Variants in VIRMA observed in about 807,000 individuals in gnomAD.
VIRMA encodes protein virilizer homolog.
A neutral mutation model predicts 182.4 loss-of-function variants in VIRMA; 65 were observed. The ratio of observed to expected loss-of-function variants is 0.36; its 90% CI spans 0.29 to 0.44. The LOEUF (loss-of-function observed/expected upper bound fraction) is 0.44. VIRMA is among the 20% of genes least tolerant of loss of function. VIRMA has a pLI of 1.00. For synonymous variants in VIRMA, 709 were observed against 743.1 expected (o/e 0.95, Z 0.75); for missense variants, 1,752 against 2,158.1 (o/e 0.81, Z 3.73).
chr8:94,492,252 G>A (rs1813625749), intron 21 of VIRMA, among the ~76,000 whole-genome samples: 1 of 149,948 alleles, frequency 6.7e-6, no homozygotes. Flanking sequence ...CGAATGCTAT[G>A]TTAATTTCCT....
chr8:94,491,432 G>C, intron 22 of VIRMA, 146 bp downstream of exon 22: 1 of 704,050 alleles, frequency 1.4e-6, no homozygotes, highest in Non-Finnish European at 2.4e-6. Flanking sequence ...AGAGTACTCT[G>C]CAAACAGTAC....
At position 94,526,559 on chromosome 8, in the gene VIRMA, A is replaced by G. The variant is rs1814977197; in HGVS notation, c.1685T>C (p.Val562Ala). Residue 562 changes from valine (V) to alanine (A), a missense_variant, in exon 8 of 24, where the codon GTC becomes GCC. By Grantham distance (64) the Val-to-Ala change is moderately conservative (BLOSUM62 0). This residue lies in a region of VIRMA where 401 missense variants were observed against 455.1 expected (regional missense o/e 0.88). Transcript: ENST00000297591. ...ACCAAGTCTTTTAATCTCTGACAAG[A>G]CTTCATAGAAATGGCATTTTTGGAG... is the stretch of plus-strand genomic sequence containing the variant. ...AILQKCHFYEVLSEIKRLGDH... is the reference protein window; with the variant it reads ...AILQKCHFYEALSEIKRLGDH... The G allele has an allele frequency of 6.2e-7, 1 of 1,613,472 alleles. No homozygotes were observed. The highest frequency in any genetic ancestry group is 1.3e-5 in the African/African-American group (1 of 74,840).
chr8:94,522,152 C>T (rs1364984324), intron 8 of VIRMA, among the ~76,000 whole-genome samples: 3 of 152,168 alleles, frequency 2.0e-5, no homozygotes, highest in Admixed American at 6.5e-5. Flanking sequence ...TGCCAATTAG[C>T]TTGATATAAT....
At chr8:94,531,507 T>C (rs1398148021) in intron 5 of VIRMA, among the ~76,000 whole-genome samples, 1 of 152,220 alleles carries the variant, frequency 6.6e-6, no homozygotes, top group Non-Finnish European at 1.5e-5. Context: ...AACATCGGAA[T>C]TTCTGACTTC....
At chr8:94,500,472 C>T (rs957717685) in intron 16 of VIRMA, among the ~76,000 whole-genome samples, 2 of 152,168 alleles carry the variant, frequency 1.3e-5, no homozygotes, top group Non-Finnish European at 2.9e-5. Context: ...AACCACTACA[C>T]ACAATCTTTA....
At chr8:94,499,547 TATG>T in intron 16 of VIRMA, 41 bp from the exon 17 acceptor site, 1 of 1,298,518 alleles carries the variant, frequency 7.7e-7, no homozygotes, top group Non-Finnish European at 1.1e-6. Context: ...TATCTTAAAA[TATG>T]AGCATATAAA....
At chr8:94,511,881 AATG>A (rs1423975829) in intron 12 of VIRMA, 112 bp downstream of exon 12, 261 of 681,804 alleles carry the variant, frequency 3.8e-4, no homozygotes, top group African/African-American at 2.1e-3. Flanking sequence ...TTTAATTTAA[AATG>A]ATATTTTTCA....
Position 94,527,100 on chromosome 8 carries a change from A to G in VIRMA, c.1144T>C (p.Ser382Pro). 1 of 1,614,168 alleles carries G rather than the reference A, an allele frequency of 6.2e-7. No individual in the cohort carries two copies. Among genetic ancestry groups the G allele is most frequent in the South Asian group, 1.1e-5 (1 of 91,080 alleles). Reference sequence around the variant, plus strand: ...TCTAAGAGTTCTGTTAACTTCACTGAGGCTTCGATTGCCCCTGAATTTTCT... The same window carrying G: ...TCTAAGAGTTCTGTTAACTTCACTGGGGCTTCGATTGCCCCTGAATTTTCT... The part of the protein sequence containing the change: ...DKENSGAIEA[S>P]VKLTELLDLY... The change falls in exon 8 of 24, where the codon TCA (serine) becomes CCA (proline). Residue 382 changes from serine to proline, a missense_variant. Around this residue, in one of 11 missense-constraint regions of VIRMA, gnomAD observed 401 missense variants for 455.1 expected, o/e 0.88. Coordinates refer to ENST00000297591, the MANE Select transcript of VIRMA (RefSeq NM_015496.5).
At chr8:94,534,710 CCT>C (rs1815277111) in intron 5 of VIRMA, 127 bp downstream of exon 5, 13 of 1,059,540 alleles carry the variant, frequency 1.2e-5, no homozygotes, top group Admixed American at 7.8e-5. Flanking sequence ...CCTCTCTCCC[CCT>C]CTCTTCCTCT....
In VIRMA at chr8:94,508,721, C is replaced by G. The variant is rs1177442653; in HGVS notation, c.3879+967G>C. On this transcript the variant is annotated intron_variant, in intron 15 of 23. Coordinates refer to ENST00000297591, the MANE Select transcript of VIRMA (RefSeq NM_015496.5). ...ATACAAAAAAAAAAAAAAGTTCTTT[C>G]TTGACCTGAGTCTTAAATGTAACCA... is the stretch of plus-strand genomic sequence containing the variant. 6.0e-5 allele frequency among the ~76,000 whole-genome samples: 9 copies of G among 150,286 alleles called. No individual in the cohort carries two copies. In the East Asian group the frequency reaches 1.8e-3, roughly 30 times the overall value.
intron 1 of VIRMA, among the ~76,000 whole-genome samples, chr8:94,550,831 G>A (rs1815958867): frequency 6.6e-6 from 1 of 152,088 alleles, no homozygotes; most frequent in Non-Finnish European, 1.5e-5. Flanking sequence ...CAATTCTCCT[G>A]CCTCAGCCTT....
chr8:94,498,420 G>A lies in VIRMA; in HGVS notation c.4230+954C>T, dbSNP rs563802230. 486 of 152,226 alleles carry A rather than the reference G, an allele frequency of 3.2e-3. 1 individual carries two copies. Among genetic ancestry groups the A allele is most frequent in the African/African-American group, 0.011 (451 of 41,528 alleles). 9.4% of individuals were successfully genotyped at this position (152,226 alleles called of 1,614,324 possible). A position where few individuals can be genotyped will look rare whatever the true frequency, so the allele number is the denominator to read the frequency against. On this transcript the variant is annotated intron_variant, in intron 17 of 23. Coordinates refer to ENST00000297591, the MANE Select transcript of VIRMA (RefSeq NM_015496.5). ...GTAACAAAAATAAGTAAATAACAAAGAGACTAACAAAACTTCATTATTCTG... is the reference window on the plus strand; with the variant it reads ...GTAACAAAAATAAGTAAATAACAAAAAGACTAACAAAACTTCATTATTCTG...
chr8:94,489,041 T>C (rs928190472), intron 23 of VIRMA, among the ~76,000 whole-genome samples, 181 bp from the exon 24 acceptor site: 4 of 152,240 alleles, frequency 2.6e-5, no homozygotes, highest in Admixed American at 2.6e-4. Context: ...GTAAACTATA[T>C]GGTATATGAG....
chr8:94,511,815 T>C (rs1814387787), intron 12 of VIRMA, 86 bp from the exon 13 acceptor site: 1 of 737,242 alleles, frequency 1.4e-6, no homozygotes, highest in Non-Finnish European at 1.9e-6. Context: ...ATATTTAATA[T>C]TTATGATAAT....
intron 15 of VIRMA, among the ~76,000 whole-genome samples, chr8:94,508,291 G>C (rs1043399708): frequency 1.3e-4 from 20 of 151,930 alleles, no homozygotes; most frequent in Non-Finnish European, 2.6e-4. Context: ...TCACCATATT[G>C]GCCAGGCTGG....
At chr8:94,534,803 A>C in intron 5 of VIRMA, 36 bp downstream of exon 5, 2 of 1,605,722 alleles carry the variant, frequency 1.2e-6, no homozygotes, top group Non-Finnish European at 1.7e-6. Context: ...CCACGGATAT[A>C]AGTTTCACTT....
chr8:94,536,987 CAAAG>C (rs1815367745), intron 4 of VIRMA, 112 bp downstream of exon 4: 1 of 779,544 alleles, frequency 1.3e-6, no homozygotes, highest in Admixed American at 2.2e-5. Context: ...TCAAAAAACA[CAAAG>C]AAAAAAAAAA....
intron 10 of VIRMA, among the ~76,000 whole-genome samples, chr8:94,515,406 C>T (rs896701044): frequency 6.6e-6 from 1 of 151,936 alleles, no homozygotes. Context: ...GTTTTTCATT[C>T]TGTTGCCCAG....
chr8:94,524,449 C>T (rs1300761601), intron 8 of VIRMA, among the ~76,000 whole-genome samples: 3 of 152,066 alleles, frequency 2.0e-5, no homozygotes, highest in African/African-American at 4.8e-5. Context: ...GGATTACAGG[C>T]GCCCACCACC....
Sources: allele counts gnomAD v4.1 joint callset (sites outside exome capture counted in the v4.1 genomes callset), GRCh38; gene constraint gnomAD v4.1.1; regional missense constraint gnomAD v4.1.1; transcripts MANE v1.5; gene names NCBI Gene and HGNC (gene_info 2026-07-23, HGNC 2026-07-21).